Variants in JAZF1 observed in about 807,000 individuals in gnomAD.
JAZF1 encodes the protein juxtaposed with another zinc finger protein 1.
In JAZF1, 8 loss-of-function variants were observed where a neutral mutation model predicts 26.4. That is an observed-to-expected ratio of 0.30 (90% CI 0.18 to 0.55). The LOEUF is 0.55. Ranked by LOEUF, JAZF1 falls within the 20% of genes least tolerant of loss-of-function variation. JAZF1 has a pLI of 0.94. For synonymous variants in JAZF1, 126 were observed against 122.3 expected, an observed-to-expected ratio of 1.03 and a Z score of -0.20; for missense variants, 199 against 322.0, an observed-to-expected ratio of 0.62 and a Z score of 2.92.
intron 3 of JAZF1, among the ~76,000 whole-genome samples, chr7:27,868,541 C>A (rs149098729): frequency 6.6e-6 from 1 of 152,204 alleles, no homozygotes; most frequent in Non-Finnish European, 1.5e-5. Context: ...TGCCCTGCCC[C>A]AGCCTATCTA....
chr7:28,178,593 T>C (rs1464515056), intron 1 of JAZF1, among the ~76,000 whole-genome samples: 2 of 152,208 alleles, frequency 1.3e-5, no homozygotes, highest in African/African-American at 2.4e-5. Flanking sequence ...GGGGAAGAAC[T>C]TGAACTAGTA....
At chr7:27,903,015 T>TAAAAAA (rs60212939) in intron 2 of JAZF1, among the ~76,000 whole-genome samples, 1 of 98,950 alleles carries the variant, frequency 1.0e-5, no homozygotes, top group Non-Finnish European at 2.0e-5. Flanking sequence ...GACTCCGTCT[T>TAAAAAA]AAAAAAAAAA....
At chr7:27,847,043 C>T (rs1375026989) in intron 3 of JAZF1, among the ~76,000 whole-genome samples, 1 of 152,126 alleles carries the variant, frequency 6.6e-6, no homozygotes, top group East Asian at 1.9e-4. Context: ...GATCTCGGCT[C>T]ACCACAACCT....
intron 1 of JAZF1, among the ~76,000 whole-genome samples, chr7:27,997,551 C>T (rs954693600): frequency 2.6e-5 from 4 of 152,148 alleles, no homozygotes; most frequent in African/African-American, 4.8e-5. Context: ...AGCCTCCTAG[C>T]AGCTTTTTAT....
rs191417882 is a variant in JAZF1 at position 28,167,227 on chromosome 7, T to A, written c.115+13236A>T. On this transcript the variant is annotated intron_variant, in intron 1 of 4. Transcript: ENST00000283928. The stretch of plus-strand genomic sequence containing the variant: ...GCCTGTGGGATTCCAGGGTCATGCA[T>A]AACCGCTTCACAGTAAAACCTCCAC... Among the ~76,000 whole-genome samples the A allele has an allele frequency of 1.4e-3, 219 of 152,304 alleles. 1 individual carries two copies. Among genetic ancestry groups the A allele is most frequent in the African/African-American group, 5.2e-3 (216 of 41,558 alleles).
chr7:27,946,183 T>C (rs947750744), intron 2 of JAZF1, among the ~76,000 whole-genome samples: 6 of 152,336 alleles, frequency 3.9e-5, no homozygotes, highest in African/African-American at 1.2e-4. Flanking sequence ...TTTTAACTTA[T>C]GATGGGTTTA....
chr7:28,042,493 C>A (rs766112998), intron 1 of JAZF1, among the ~76,000 whole-genome samples: 1 of 152,058 alleles, frequency 6.6e-6, no homozygotes, highest in Non-Finnish European at 1.5e-5. Context: ...AAGACTAAAG[C>A]CAAAGCAGAA....
chr7:28,036,193 G>A (rs1239986522), intron 1 of JAZF1, among the ~76,000 whole-genome samples: 4 of 152,160 alleles, frequency 2.6e-5, no homozygotes, highest in Non-Finnish European at 5.9e-5. Context: ...ATTTTAACAT[G>A]CAGCACTCTG....
chr7:27,882,339 A>T (rs968713549), intron 3 of JAZF1, among the ~76,000 whole-genome samples: 1 of 152,202 alleles, frequency 6.6e-6, no homozygotes, highest in Non-Finnish European at 1.5e-5. Flanking sequence ...AACAAAAAAC[A>T]AAAACTTATT....
chr7:27,982,284 C>G (rs1288063943), intron 2 of JAZF1, among the ~76,000 whole-genome samples: 1 of 152,236 alleles, frequency 6.6e-6, no homozygotes, highest in African/African-American at 2.4e-5. Flanking sequence ...CTTGGCAACA[C>G]AGCACACCAG....
At chr7:27,897,090 T>C (rs12668668) in intron 2 of JAZF1, among the ~76,000 whole-genome samples, 1 of 151,936 alleles carries the variant, frequency 6.6e-6, no homozygotes, top group Non-Finnish European at 1.5e-5. Flanking sequence ...GCTTTTTTTT[T>C]TATTATCCTA....
chr7:28,168,035 G>C (rs1346293307), intron 1 of JAZF1, among the ~76,000 whole-genome samples: 2 of 152,180 alleles, frequency 1.3e-5, no homozygotes, highest in African/African-American at 4.8e-5. Context: ...GTGGAGTGGA[G>C]CAGTTGTCTT....
At chr7:28,102,785 A>G (rs1210351397) in intron 1 of JAZF1, among the ~76,000 whole-genome samples, 1 of 152,230 alleles carries the variant, frequency 6.6e-6, no homozygotes, top group Non-Finnish European at 1.5e-5. Flanking sequence ...GAGAAATCAA[A>G]ATTTTCATAC....
intron 2 of JAZF1, among the ~76,000 whole-genome samples, chr7:27,904,625 A>G (rs1298247563): frequency 6.6e-6 from 1 of 151,186 alleles, no homozygotes; most frequent in East Asian, 2.0e-4. Context: ...TCTGAGGCCC[A>G]CGGGGTGGAT....
chr7:27,893,224 A>G (rs1275460097), intron 3 of JAZF1, among the ~76,000 whole-genome samples: 1 of 152,352 alleles, frequency 6.6e-6, no homozygotes, highest in Non-Finnish European at 1.5e-5. Flanking sequence ...CAAACTTACT[A>G]GGAAATCCCT....
At chr7:27,851,856 AAGAC>A (rs1429439198) in intron 3 of JAZF1, among the ~76,000 whole-genome samples, 1 of 152,116 alleles carries the variant, frequency 6.6e-6, no homozygotes, top group African/African-American at 2.4e-5. Context: ...TGAGACCTAA[AAGAC>A]AGAGGAACTG....
intron 1 of JAZF1, among the ~76,000 whole-genome samples, chr7:28,111,178 T>C (rs974070465): frequency 6.6e-5 from 10 of 152,214 alleles, no homozygotes; most frequent in African/African-American, 2.2e-4. Flanking sequence ...AGTCTGTTGT[T>C]TTCCTACTTA....
At chr7:27,850,989 C>A (rs1783137262) in intron 3 of JAZF1, among the ~76,000 whole-genome samples, 2 of 152,096 alleles carry the variant, frequency 1.3e-5, no homozygotes, top group Non-Finnish European at 1.5e-5. Flanking sequence ...GTTGCCCAGA[C>A]TGGAGTGCAA....
chr7:28,140,306 G>A (rs1262709397), intron 1 of JAZF1, among the ~76,000 whole-genome samples: 3 of 151,888 alleles, frequency 2.0e-5, no homozygotes, highest in Non-Finnish European at 4.4e-5. Context: ...TGGTCTCGAA[G>A]TCCCAATCTC....
Sources: gnomAD v4.1 joint callset for allele counts (sites outside exome capture counted in the v4.1 genomes callset) on GRCh38, gnomAD v4.1.1 for gene constraint, MANE v1.5 for transcripts, NCBI Gene and HGNC (gene_info 2026-07-23, HGNC 2026-07-21) for gene names.